UNC13B: variants seen among roughly 807,000 people sequenced by gnomAD.
UNC13B encodes protein unc-13 homolog B.
Under a neutral mutation model 211.0 loss-of-function variants are expected in UNC13B, and 144 were observed. That is an observed-to-expected ratio of 0.68 (90% CI 0.60 to 0.78). The LOEUF is 0.78. Ranked by LOEUF, UNC13B falls within the 30% of genes least tolerant of loss-of-function variation. The pLI, the probability that UNC13B is intolerant of heterozygous loss-of-function variation, is 0.00. For missense variants in UNC13B, 1,777 were observed against 2,002.0 expected, an observed-to-expected ratio of 0.89 and a Z score of 2.14; for synonymous variants, 709 against 725.8, an observed-to-expected ratio of 0.98 and a Z score of 0.37.
intron 22 of UNC13B, chr9:35,385,140 C>T: frequency 1.0e-6 from 1 of 985,424 alleles, no homozygotes; most frequent in African/African-American, 1.7e-5. Flanking sequence ...CTCTTCATAG[C>T]AGCTCCCTCC....
At chr9:35,222,581 A>G (rs1317426937) in intron 1 of UNC13B, among the ~76,000 whole-genome samples, 5 of 152,158 alleles carry the variant, frequency 3.3e-5, no homozygotes, top group African/African-American at 1.2e-4. Context: ...CATTTTTTGG[A>G]TACATAATAA....
intron 7 of UNC13B, among the ~76,000 whole-genome samples, chr9:35,270,329 A>G (rs1229384387): frequency 2.7e-5 from 3 of 109,170 alleles, no homozygotes; most frequent in African/African-American, 6.2e-5. Context: ...CTCTCTCTCT[A>G]TGTATATATA....
At chr9:35,327,259 T>G in intron 11 of UNC13B, among the ~76,000 whole-genome samples, 1 of 152,288 alleles carries the variant, frequency 6.6e-6, no homozygotes, top group East Asian at 1.9e-4. Context: ...TAAAAGGGAC[T>G]TTATTAAGGA....
At chr9:35,168,581 A>G (rs555542635) in intron 1 of UNC13B, among the ~76,000 whole-genome samples, 1 of 151,738 alleles carries the variant, frequency 6.6e-6, no homozygotes, top group African/African-American at 2.4e-5. Context: ...AGCAGGTAAT[A>G]TTTTTCTATG....
chr9:35,261,765 AC>A (rs113990555), intron 7 of UNC13B, among the ~76,000 whole-genome samples: 4 of 151,832 alleles, frequency 2.6e-5, no homozygotes, highest in African/African-American at 9.7e-5. Flanking sequence ...ATCTCCTCTT[AC>A]CCCTAACTCC....
At chr9:35,295,636 A>C in intron 7 of UNC13B, 60 bp from the exon 8 acceptor site, 1 of 1,530,266 alleles carries the variant, frequency 6.5e-7, no homozygotes, top group Non-Finnish European at 9.0e-7. Context: ...TAGAAGCAGA[A>C]ATAATTCTGA....
intron 29 of UNC13B, 107 bp downstream of exon 29, chr9:35,397,417 G>T (rs946773212): frequency 5.6e-5 from 84 of 1,513,082 alleles, no homozygotes; most frequent in East Asian, 2.3e-5. Context: ...GGTAAAGCTC[G>T]TGTGACCCCC....
chr9:35,273,183 A>G (rs1004693772), intron 7 of UNC13B, among the ~76,000 whole-genome samples: 9 of 152,244 alleles, frequency 5.9e-5, no homozygotes, highest in African/African-American at 2.2e-4. Flanking sequence ...TGTGAGTCAT[A>G]TCATGAATAA....
chr9:35,254,993 T>A (rs11794644), intron 6 of UNC13B, among the ~76,000 whole-genome samples: 3 of 115,168 alleles, frequency 2.6e-5, no homozygotes, highest in Admixed American at 2.2e-4. Flanking sequence ...TATGTATATA[T>A]TATATTATAT....
intron 11 of UNC13B, among the ~76,000 whole-genome samples, chr9:35,366,149 A>C (rs1833756292): frequency 6.6e-6 from 1 of 152,222 alleles, no homozygotes; most frequent in Non-Finnish European, 1.5e-5. Flanking sequence ...CAGACCTGTT[A>C]GCCTGAAAAA....
intron 1 of UNC13B, among the ~76,000 whole-genome samples, chr9:35,201,163 G>A (rs1823261185): frequency 6.6e-6 from 1 of 152,220 alleles, no homozygotes. Context: ...TGTTGAACCA[G>A]TCTTGCATCC....
intron 1 of UNC13B, among the ~76,000 whole-genome samples, chr9:35,197,050 C>G (rs928525954): frequency 6.6e-6 from 1 of 152,178 alleles, no homozygotes; most frequent in Non-Finnish European, 1.5e-5. Flanking sequence ...GGATGACAGG[C>G]TTGACCTACT....
chr9:35,290,318 C>T (rs1231144674), intron 7 of UNC13B, among the ~76,000 whole-genome samples: 5 of 151,488 alleles, frequency 3.3e-5, no homozygotes, highest in Non-Finnish European at 5.9e-5. Flanking sequence ...CTCAGAACAC[C>T]ATCATTTAGG....
At chr9:35,260,624 G>A (rs546710818) in intron 7 of UNC13B, among the ~76,000 whole-genome samples, 16 of 152,180 alleles carry the variant, frequency 1.1e-4, no homozygotes, top group Non-Finnish European at 2.1e-4. Flanking sequence ...CAATGGTAGA[G>A]GTGAACTTTT....
Position 35,301,319 on chromosome 9 carries a change from G to A in UNC13B, c.1915G>A (p.Ala639Thr). 1 of 398,718 alleles carries A rather than the reference G, an allele frequency of 2.5e-6. No individual in the cohort carries two copies. Among genetic ancestry groups the A allele is most frequent in the East Asian group, 3.6e-5 (1 of 28,062 alleles). The allele number at this position is 398,718 out of a possible 1,614,324, so 24.7% of individuals were successfully genotyped here. ...LYFQNTTESI[A>T]KDLAPQSQSS... ...CTTTCAGAATACAACAGAAAGTATTGCAAAGGACTTGGCTCCACAGAGTCA... is the reference window on the plus strand; with the variant it reads ...CTTTCAGAATACAACAGAAAGTATTACAAAGGACTTGGCTCCACAGAGTCA... Residue 639 changes from alanine (A) to threonine (T), a missense_variant, in exon 9 of 40, where the codon GCA becomes ACA. Ala to Thr is a moderately conservative substitution (Grantham distance 58). Transcript: ENST00000635942.
At chr9:35,371,777 G>A (rs1346687001) in intron 13 of UNC13B, among the ~76,000 whole-genome samples, 1 of 152,156 alleles carries the variant, frequency 6.6e-6, no homozygotes, top group African/African-American at 2.4e-5. Flanking sequence ...AGTGGTCTGG[G>A]TTGAAGACAG....
In UNC13B at chr9:35,188,518, G is replaced by A. The variant is rs577050073; in HGVS notation, c.22+26213G>A. On this transcript the variant is annotated intron_variant, in intron 1 of 39. Transcript: ENST00000635942. Reference sequence around the variant, plus strand: ...CTTAAAGAATATCGGACATCATTTTGGCAATCTTATGTGACAAAACATGCC... The same window carrying A: ...CTTAAAGAATATCGGACATCATTTTAGCAATCTTATGTGACAAAACATGCC... Among the ~76,000 whole-genome samples the A allele has an allele frequency of 7.9e-5, 12 of 152,196 alleles. No homozygotes were observed. In the South Asian group the frequency reaches 2.5e-3, roughly 32 times the overall value.
chr9:35,207,609 A>G (rs1823737936), intron 1 of UNC13B, among the ~76,000 whole-genome samples: 1 of 151,930 alleles, frequency 6.6e-6, no homozygotes, highest in South Asian at 2.1e-4. Context: ...TGCTGGGCTT[A>G]CAGGTGTAAG....
intron 1 of UNC13B, among the ~76,000 whole-genome samples, chr9:35,173,490 C>T (rs928478656): frequency 2.3e-4 from 34 of 150,224 alleles, no homozygotes; most frequent in African/African-American, 8.1e-4. Flanking sequence ...GTGGTGCTAT[C>T]TCGGCTCACT....
Sources: allele counts gnomAD v4.1 joint callset (sites outside exome capture counted in the v4.1 genomes callset), GRCh38; gene constraint gnomAD v4.1.1; transcripts MANE v1.5; gene names NCBI Gene and HGNC (gene_info 2026-07-23, HGNC 2026-07-21).